Variants in SPCS2 observed in about 807,000 individuals in gnomAD.
The protein encoded by SPCS2 is signal peptidase complex subunit 2, also known as SPase 25 kDa subunit.
Under a neutral mutation model 22.3 loss-of-function variants are expected in SPCS2, and 3 were observed. That is an observed-to-expected ratio of 0.13 (90% CI 0.06 to 0.35). The LOEUF (loss-of-function observed/expected upper bound fraction) is 0.35. Ranked by LOEUF, SPCS2 falls within the 10% of genes least tolerant of loss-of-function variation. The pLI, the probability that SPCS2 is intolerant of heterozygous loss-of-function variation, is 1.00. For synonymous variants in SPCS2, 67 were observed against 97.2 expected (o/e 0.69, Z 1.83); for missense variants, 169 against 280.9 (o/e 0.60, Z 2.85).
chr11:74,959,179 A>C (rs1000747254), intron 1 of SPCS2, among the ~76,000 whole-genome samples: 1 of 151,998 alleles, frequency 6.6e-6, no homozygotes, highest in Non-Finnish European at 1.5e-5. Flanking sequence ...CACCACTCTC[A>C]CCCTTGGTAA....
intron 1 of SPCS2, among the ~76,000 whole-genome samples, chr11:74,958,349 T>G (rs519741): frequency 0.38 from 57,880 of 152,110 alleles, 12,408 homozygotes; most frequent in Non-Finnish European, 0.5. Flanking sequence ...AAAAATAGAT[T>G]GAAATTGAAG....
chr11:74,949,472 C>T (rs1948298801), intron 1 of SPCS2, 73 bp downstream of exon 1: 1 of 1,307,838 alleles, frequency 7.6e-7, no homozygotes, highest in Non-Finnish European at 1.1e-6. Context: ...CTTCCCATCC[C>T]GGTCTCCCTT....
intron 3 of SPCS2, 30 bp downstream of exon 3, chr11:74,965,953 C>G (rs1022811408): frequency 3.2e-6 from 5 of 1,565,538 alleles, no homozygotes; most frequent in East Asian, 2.3e-5. Flanking sequence ...AGGTTGTTTT[C>G]TAGTGACTAT....
intron 2 of SPCS2, 64 bp from the exon 3 acceptor site, chr11:74,965,699 G>T: frequency 7.2e-7 from 1 of 1,384,932 alleles, no homozygotes. Context: ...TGGAAATCAA[G>T]AATAAAAGCA....
At chr11:74,954,014 G>C (rs1344673337) in intron 1 of SPCS2, among the ~76,000 whole-genome samples, 1 of 152,156 alleles carries the variant, frequency 6.6e-6, no homozygotes, top group East Asian at 1.9e-4. Flanking sequence ...AAAATTAACA[G>C]ATTTTTGGAC....
At chr11:74,960,072 G>A (rs965107744) in intron 1 of SPCS2, among the ~76,000 whole-genome samples, 9 of 152,168 alleles carry the variant, frequency 5.9e-5, no homozygotes, top group African/African-American at 2.2e-4. Context: ...TATCTTGGCC[G>A]GGTGTGGTGG....
intron 3 of SPCS2, among the ~76,000 whole-genome samples, chr11:74,966,187 A>C (rs1283868406): frequency 1.3e-5 from 2 of 152,228 alleles, no homozygotes; most frequent in African/African-American, 2.4e-5. Context: ...ATGAGCACTT[A>C]ATAGCAAAAC....
At chr11:74,963,067 T>G (rs762235909) in intron 1 of SPCS2, among the ~76,000 whole-genome samples, 9 of 152,250 alleles carry the variant, frequency 5.9e-5, no homozygotes, top group Non-Finnish European at 1.2e-4. Context: ...TCTGACTTTA[T>G]TTCACAAATA....
Position 74,965,024 on chromosome 11 carries a change from T to A in SPCS2, c.115-10T>A. The A allele has an allele frequency of 6.5e-7, 1 of 1,541,234 alleles. No individual in the cohort carries two copies. Among genetic ancestry groups the A allele is most frequent in the Non-Finnish European group, 8.8e-7 (1 of 1,142,654 alleles). On this transcript the variant is annotated splice_polypyrimidine_tract_variant and intron_variant, in intron 1 of 4. Coordinates refer to ENST00000263672, the MANE Select transcript of SPCS2 (RefSeq NM_014752.3). Reference sequence around the variant, plus strand: ...TTTCTTGATGCACAACTTTTTTGTTTGTTTTACAGTGGAAGATAGATGATA... The same window carrying A: ...TTTCTTGATGCACAACTTTTTTGTTAGTTTTACAGTGGAAGATAGATGATA...
At chr11:74,976,787 G>C (rs1948616231) in intron 4 of SPCS2, 70 bp from the exon 5 acceptor site, 1 of 1,582,434 alleles carries the variant, frequency 6.3e-7, no homozygotes, top group Non-Finnish European at 8.7e-7. Flanking sequence ...GGAAACACTT[G>C]GTGCCGTATT....
intron 4 of SPCS2, among the ~76,000 whole-genome samples, chr11:74,971,295 A>C (rs1948582538): frequency 6.6e-6 from 1 of 152,232 alleles, no homozygotes; most frequent in Non-Finnish European, 1.5e-5. Context: ...GGCTATTATG[A>C]ATAATGTTGC....
intron 1 of SPCS2, among the ~76,000 whole-genome samples, chr11:74,953,439 G>A (rs936751986): frequency 1.3e-5 from 2 of 151,942 alleles, no homozygotes; most frequent in Non-Finnish European, 2.9e-5. Context: ...GTGATCCAAC[G>A]GCCTCGGCCT....
chr11:74,972,125 G>C (rs970725945), intron 4 of SPCS2, among the ~76,000 whole-genome samples: 4 of 151,874 alleles, frequency 2.6e-5, no homozygotes, highest in Non-Finnish European at 5.9e-5. Context: ...GGAGCGCAAT[G>C]ACGCGATCTT....
At chr11:74,954,631 TTG>T (rs1283098245) in intron 1 of SPCS2, among the ~76,000 whole-genome samples, 4 of 152,134 alleles carry the variant, frequency 2.6e-5, no homozygotes, top group Non-Finnish European at 5.9e-5. Context: ...ATTACTATAA[TTG>T]TGTGTGTGTG....
chr11:74,954,323 C>G (rs550912340), intron 1 of SPCS2, among the ~76,000 whole-genome samples: 1 of 152,344 alleles, frequency 6.6e-6, no homozygotes, highest in South Asian at 2.1e-4. Context: ...GTAACACTTA[C>G]AGAACCTGGC....
intron 1 of SPCS2, among the ~76,000 whole-genome samples, chr11:74,951,087 T>A (rs531500586): frequency 2.6e-5 from 4 of 152,254 alleles, no homozygotes; most frequent in Non-Finnish European, 5.9e-5. Flanking sequence ...CAGTATAGAA[T>A]ACTATTATTA....
At chr11:74,966,861 C>T (rs538858241) in intron 3 of SPCS2, among the ~76,000 whole-genome samples, 15 of 152,154 alleles carry the variant, frequency 9.9e-5, no homozygotes, top group Middle Eastern at 3.4e-3. Context: ...CCTCCTGGCT[C>T]GAGCAATTCT....
chr11:74,952,091 A>G (rs949360659), intron 1 of SPCS2, among the ~76,000 whole-genome samples: 2 of 152,172 alleles, frequency 1.3e-5, no homozygotes, highest in Admixed American at 1.3e-4. Flanking sequence ...GAGACTGTGT[A>G]AAGTGGTTTT....
At chr11:74,971,384 T>C (rs1948583070) in intron 4 of SPCS2, among the ~76,000 whole-genome samples, 2 of 152,232 alleles carry the variant, frequency 1.3e-5, no homozygotes, top group Non-Finnish European at 2.9e-5. Flanking sequence ...AAGACTTGTA[T>C]GGTATGCTAA....
Sources: gnomAD v4.1 joint callset for allele counts (sites outside exome capture counted in the v4.1 genomes callset) on GRCh38, gnomAD v4.1.1 for gene constraint, MANE v1.5 for transcripts, NCBI Gene and HGNC (gene_info 2026-07-23, HGNC 2026-07-21) for gene names.